DLGAP2: variants seen among roughly 807,000 people sequenced by gnomAD.
The protein encoded by DLGAP2 is disks large-associated protein 2.
Under a neutral mutation model 100.3 loss-of-function variants are expected in DLGAP2, and 26 were observed. That is an observed-to-expected ratio of 0.26 (90% CI 0.19 to 0.36). DLGAP2 has a LOEUF of 0.36. Ranked by LOEUF, DLGAP2 falls within the 10% of genes least tolerant of loss-of-function variation. DLGAP2 has a pLI of 1.00. For synonymous variants in DLGAP2, 886 were observed against 630.1 expected (o/e 1.41, Z -6.08); for missense variants, 1,858 against 1,453.2 (o/e 1.28, Z -4.53).
At chr8:1,118,942 T>C (rs1795965839) in intron 2 of DLGAP2, among the ~76,000 whole-genome samples, 2 of 152,244 alleles carry the variant, frequency 1.3e-5, no homozygotes, top group Non-Finnish European at 2.9e-5. Flanking sequence ...TATGCTTACA[T>C]AGAATAATTT....
intron 3 of DLGAP2, among the ~76,000 whole-genome samples, chr8:1,342,524 G>A (rs562592718): frequency 0.22 from 15 of 68 alleles, no homozygotes; most frequent in Admixed American, 0.38. Flanking sequence ...TTTGTGGGCC[G>A]TGCGGCTCAG....
chr8:925,249 G>A (rs530177919), intron 2 of DLGAP2, among the ~76,000 whole-genome samples: 14 of 152,052 alleles, frequency 9.2e-5, no homozygotes, highest in Non-Finnish European at 1.9e-4. Context: ...GGGACGACAG[G>A]TGCACACCAC....
chr8:1,482,633 C>T (rs1799127696), intron 3 of DLGAP2, among the ~76,000 whole-genome samples: 1 of 152,246 alleles, frequency 6.6e-6, no homozygotes, highest in Non-Finnish European at 1.5e-5. Context: ...CTGGCTTCTC[C>T]CGCCCCCTCC....
chr8:1,188,595 G>A (rs958639320), intron 2 of DLGAP2, among the ~76,000 whole-genome samples: 3 of 151,822 alleles, frequency 2.0e-5, no homozygotes, highest in African/African-American at 7.3e-5. Context: ...TCACACACCC[G>A]GGACGTCCGT....
At position 1,350,151 on chromosome 8, in the gene DLGAP2, C is replaced by T. The variant is rs568367566; in HGVS notation, c.106+91268C>T. Among the ~76,000 whole-genome samples, 9 of 152,072 alleles carry T rather than the reference C, an allele frequency of 5.9e-5. No individual in the cohort carries two copies. The South Asian group carries it at 8.3e-4, about 14-fold the overall frequency. On this transcript the variant is annotated intron_variant, in intron 3 of 14. Coordinates refer to ENST00000637795, the MANE Select transcript of DLGAP2 (RefSeq NM_001346810.2). ...CTGCAGGAAGAAATAAAAACATCCC[C>T]GACTACTTCATGCTCTTGTGGCGTG... is the stretch of plus-strand genomic sequence containing the variant.
chr8:847,552 G>T (rs917698821), intron 1 of DLGAP2, among the ~76,000 whole-genome samples: 1 of 151,836 alleles, frequency 6.6e-6, no homozygotes, highest in African/African-American at 2.4e-5. Context: ...TGTCACCCAG[G>T]CTGGAGTGCA....
chr8:1,417,950 G>C (rs1191512711), intron 3 of DLGAP2, among the ~76,000 whole-genome samples: 2 of 151,462 alleles, frequency 1.3e-5, no homozygotes, highest in East Asian at 3.8e-4. Flanking sequence ...ACTGACATTC[G>C]TCTGTCGTGA....
intron 1 of DLGAP2, among the ~76,000 whole-genome samples, chr8:876,825 C>T (rs1182731838): frequency 2.0e-5 from 3 of 152,148 alleles, no homozygotes; most frequent in Non-Finnish European, 2.9e-5. Context: ...TCTCTGTCTT[C>T]TTTCCTGTCT....
chr8:741,675 C>A (rs1820489428), intron 1 of DLGAP2, among the ~76,000 whole-genome samples: 1 of 152,198 alleles, frequency 6.6e-6, no homozygotes, highest in South Asian at 2.1e-4. Context: ...AGTGTATTTG[C>A]AGTTCAGTGT....
chr8:1,620,700 G>T (rs1467793578), intron 6 of DLGAP2, among the ~76,000 whole-genome samples: 4 of 152,016 alleles, frequency 2.6e-5, no homozygotes, highest in African/African-American at 7.2e-5. Flanking sequence ...TGAGAAACCA[G>T]CTCAAGTCTG....
intron 1 of DLGAP2, among the ~76,000 whole-genome samples, chr8:904,162 G>A (rs1322416879): frequency 1.3e-5 from 2 of 152,240 alleles, no homozygotes; most frequent in Admixed American, 6.5e-5. Flanking sequence ...CTGTGAGCAT[G>A]TGGTGTGTGG....
chr8:946,400 A>G (rs1285515215), intron 2 of DLGAP2, among the ~76,000 whole-genome samples: 1 of 151,504 alleles, frequency 6.6e-6, no homozygotes, highest in Non-Finnish European at 1.5e-5. Flanking sequence ...AGTGTCTGGG[A>G]CTACAGGCGC....
chr8:994,856 C>T (rs565018995), intron 2 of DLGAP2, among the ~76,000 whole-genome samples: 1 of 152,258 alleles, frequency 6.6e-6, no homozygotes, highest in Admixed American at 6.5e-5. Flanking sequence ...TTACGGACTG[C>T]TGGGGTATTT....
chr8:1,676,633 C>T lies in DLGAP2; in HGVS notation c.2288+15C>T. 1.2e-6 allele frequency: 2 copies of T among 1,607,354 alleles called. No individual in the cohort carries two copies. The highest frequency in any genetic ancestry group is 1.7e-6 in the Non-Finnish European group (2 of 1,176,944). On this transcript the variant is annotated intron_variant, in intron 11 of 14. Coordinates refer to ENST00000637795, the MANE Select transcript of DLGAP2 (RefSeq NM_001346810.2). ...GATGAGAAGCGGTAACTCAGCCCCT[C>T]CTGACACGCGGTGACCCCCGAGCGA...
At chr8:1,459,349 C>A (rs1368331386) in intron 3 of DLGAP2, among the ~76,000 whole-genome samples, 5 of 152,210 alleles carry the variant, frequency 3.3e-5, no homozygotes, top group African/African-American at 9.6e-5. Flanking sequence ...ATGCATAGGC[C>A]CCAGGGGTCA....
intron 2 of DLGAP2, among the ~76,000 whole-genome samples, chr8:1,242,036 G>T (rs1585183191): frequency 2.0e-5 from 3 of 152,314 alleles, no homozygotes; most frequent in African/African-American, 7.2e-5. Flanking sequence ...TTGCTTTGAT[G>T]ATTGGCGTAT....
chr8:1,425,537 C>T (rs1242065331), intron 3 of DLGAP2, among the ~76,000 whole-genome samples: 1 of 152,304 alleles, frequency 6.6e-6, no homozygotes, highest in Admixed American at 6.5e-5. Flanking sequence ...TGCATCCCTG[C>T]AGGGGCCCCA....
intron 3 of DLGAP2, among the ~76,000 whole-genome samples, chr8:1,462,352 C>T (rs1242314929): frequency 3.2e-5 from 3 of 92,450 alleles, no homozygotes; most frequent in African/African-American, 1.2e-4. Context: ...GGACTGGGTG[C>T]AGTCGCTGAT....
chr8:969,690 C>A (rs570743089), intron 2 of DLGAP2, among the ~76,000 whole-genome samples: 2 of 152,134 alleles, frequency 1.3e-5, no homozygotes, highest in African/African-American at 4.8e-5. Flanking sequence ...TCATGCTATG[C>A]TGCTGCAAAC....
Sources: allele counts gnomAD v4.1 joint callset (sites outside exome capture counted in the v4.1 genomes callset), GRCh38; gene constraint gnomAD v4.1.1; transcripts MANE v1.5; gene names NCBI Gene and HGNC (gene_info 2026-07-23, HGNC 2026-07-21).